The following LPXN variants were observed in gnomAD, a reference collection of about 807,000 sequenced individuals.
LPXN encodes leupaxin.
In LPXN, 28 loss-of-function variants were observed where a neutral mutation model predicts 45.6. That is an observed-to-expected ratio of 0.61 (90% confidence interval 0.45 to 0.84). The LOEUF (loss-of-function observed/expected upper bound fraction) is 0.84. LPXN is among the 40% of genes least tolerant of loss of function. The pLI is 0.00. For synonymous variants in LPXN, 166 were observed against 169.9 expected, an observed-to-expected ratio of 0.98 and a Z score of 0.18; for missense variants, 459 against 475.0, an observed-to-expected ratio of 0.97 and a Z score of 0.31.
rs758539742 is a variant in LPXN at position 58,570,589 on chromosome 11, G to A, written c.138C>T (p.Ile46=). 8.7e-6 allele frequency: 14 copies of A among 1,613,136 alleles called. No homozygotes were observed. Among genetic ancestry groups the A allele is most frequent in the South Asian group, 1.1e-5 (1 of 91,014 alleles). Residue 46 remains isoleucine, a synonymous_variant, in exon 2 of 9, where the codon ATC becomes ATT. Transcript: ENST00000395074. ...GACTTGTGTTATCCTGAATAGAAAG[G>A]ATCTCCGAAGTCTCATCAAGGTTAG... ...KETNLDETSE[I]LSIQDNTSPL...
In LPXN at chr11:58,527,711, T is replaced by C; in HGVS notation, c.904A>G (p.Ser302Gly). 6.2e-7 allele frequency: 1 copy of C among 1,613,860 alleles called. No individual in the cohort carries two copies. Among genetic ancestry groups the C allele is most frequent in the Non-Finnish European group, 8.5e-7 (1 of 1,179,934 alleles). The change falls in exon 9 of 9, where the codon AGT (serine) becomes GGT (glycine). Residue 302 changes from serine (S) to glycine (G), a missense_variant. By Grantham distance (56) the Ser-to-Gly change is moderately conservative. Transcript: ENST00000395074. Reference protein sequence around the residue: ...ECFVCGDCFTSFSTGSFFELD... With the variant: ...ECFVCGDCFTGFSTGSFFELD... ...TCAAAGAAGGAGCCAGTAGAAAAAC[T>C]GGTGAAGCAGTCCTGGGGTAGAGAG... is the stretch of plus-strand genomic sequence containing the variant.
intron 7 of LPXN, among the ~76,000 whole-genome samples, chr11:58,548,594 GA>G (rs922127796): frequency 6.6e-6 from 1 of 152,082 alleles, no homozygotes; most frequent in African/African-American, 2.4e-5. Context: ...GTTAACTTTA[GA>G]AAAAAATGAA....
intron 3 of LPXN, among the ~76,000 whole-genome samples, chr11:58,560,787 G>A (rs1854350321): frequency 6.6e-6 from 1 of 152,172 alleles, no homozygotes; most frequent in African/African-American, 2.4e-5. Context: ...CCTGCAAACT[G>A]CAAAGTTTGT....
At chr11:58,567,886 T>C (rs906528227) in intron 2 of LPXN, among the ~76,000 whole-genome samples, 17 of 152,204 alleles carry the variant, frequency 1.1e-4, no homozygotes, top group African/African-American at 3.9e-4. Flanking sequence ...ATAAAACAAA[T>C]AGAGCTTCAC....
intron 3 of LPXN, among the ~76,000 whole-genome samples, chr11:58,556,166 T>C (rs1318762901): frequency 6.6e-6 from 1 of 151,946 alleles, no homozygotes; most frequent in East Asian, 1.9e-4. Context: ...TTAAAAAACA[T>C]AAAAAATTTT....
chr11:58,528,477 CTGA>C (rs1415506844), intron 7 of LPXN, among the ~76,000 whole-genome samples: 1 of 152,202 alleles, frequency 6.6e-6, no homozygotes, highest in African/African-American at 2.4e-5. Flanking sequence ...GTCCCAGAGC[CTGA>C]TATAGTTGTC....
chr11:58,554,866 G>A lies in LPXN; in HGVS notation c.293C>T (p.Ala98Val). 4 of 1,613,932 alleles carry A rather than the reference G, an allele frequency of 2.5e-6. No homozygotes were observed. In the South Asian group the frequency reaches 4.4e-5, roughly 18 times the overall value. ...CTTGGCCTGCATCTCAGTCAGGTGA[G>A]CCATGAGCTCATCCAACTGAGCAGC... ...SAAAQLDELM[A>V]HLTEMQAKVA... is the part of the protein sequence containing the mutation. The change falls in exon 4 of 9, where the codon GCT (alanine) becomes GTT (valine). Residue 98 changes from alanine to valine, a missense_variant. Physicochemically the swap from Ala to Val is moderately conservative, Grantham distance 64. Coordinates refer to ENST00000395074, the MANE Select transcript of LPXN (RefSeq NM_004811.3).
intron 3 of LPXN, among the ~76,000 whole-genome samples, chr11:58,556,459 C>T (rs2120352949): frequency 6.6e-6 from 1 of 152,028 alleles, no homozygotes; most frequent in South Asian, 2.1e-4. Context: ...ATAAGTTGGA[C>T]ATAGATCCTA....
chr11:58,539,894 T>G (rs1198573121), intron 7 of LPXN, among the ~76,000 whole-genome samples: 1 of 152,182 alleles, frequency 6.6e-6, no homozygotes, highest in African/African-American at 2.4e-5. Context: ...TTACTACCTA[T>G]TCCATTGGAT....
intron 7 of LPXN, among the ~76,000 whole-genome samples, chr11:58,529,062 C>T (rs1853310658): frequency 6.6e-6 from 1 of 152,042 alleles, no homozygotes; most frequent in Non-Finnish European, 1.5e-5. Context: ...TGTGCATTTG[C>T]ATTTCATATC....
chr11:58,528,235 T>G, intron 7 of LPXN, 44 bp from the exon 8 acceptor site: 1 of 1,595,192 alleles, frequency 6.3e-7, no homozygotes, highest in South Asian at 1.1e-5. Flanking sequence ...GGTTGAGCCC[T>G]GAAAGCTACA....
intron 7 of LPXN, among the ~76,000 whole-genome samples, chr11:58,533,351 A>G (rs1853453133): frequency 6.6e-6 from 1 of 152,244 alleles, no homozygotes; most frequent in Admixed American, 6.5e-5. Context: ...ACAAGCCAGA[A>G]GAGAGTGGGG....
chr11:58,563,099 T>C lies in LPXN; in HGVS notation c.218+1056A>G, dbSNP rs796957045. Among the ~76,000 whole-genome samples, 21 of 152,380 alleles carry C rather than the reference T, an allele frequency of 1.4e-4. 1 individual carries two copies. Among genetic ancestry groups the C allele is most frequent in the African/African-American group, 4.6e-4 (19 of 41,598 alleles). On this transcript the variant is annotated intron_variant, in intron 3 of 8. Transcript: ENST00000395074. ...TGGTTGGGCTAGTTTTCATGTTATA[T>C]GTTCATGCATTCACTCGCATTTCTA...
At chr11:58,559,330 T>C (rs964426815) in intron 3 of LPXN, among the ~76,000 whole-genome samples, 4 of 152,112 alleles carry the variant, frequency 2.6e-5, no homozygotes, top group African/African-American at 7.2e-5. Flanking sequence ...TTGAGCAATT[T>C]TGCTACTAAG....
Position 58,527,585 on chromosome 11 carries a change from T to C in LPXN, c.1030A>G (p.Met344Val), listed in dbSNP as rs752283111. The C allele has an allele frequency of 3.5e-5, 56 of 1,614,040 alleles. No homozygotes were observed. The highest frequency in any genetic ancestry group is 4.7e-5 in the Non-Finnish European group (55 of 1,180,030). Reference sequence around the variant, plus strand: ...TGCTCAGGATGGAACTTGTACCCCATGGCACTGATACAACGGCCAGTGATG... The same window carrying C: ...TGCTCAGGATGGAACTTGTACCCCACGGCACTGATACAACGGCCAGTGATG... ...QPITGRCISA[M>V]GYKFHPEHFV... The change falls in exon 9 of 9, where the codon ATG (methionine) becomes GTG (valine). Residue 344 changes from methionine (M) to valine (V), a missense_variant. Transcript: ENST00000395074.
In LPXN at chr11:58,552,424, T is replaced by A. The variant is rs1854078296; in HGVS notation, c.319-1192A>T. Among the ~76,000 whole-genome samples the A allele has an allele frequency of 2.0e-5, 3 of 152,176 alleles. No homozygotes were observed. The South Asian group carries it at 6.2e-4, about 31-fold the overall frequency. On this transcript the variant is annotated intron_variant, in intron 4 of 8. Transcript: ENST00000395074. ...TGCTACCATCTATCTACTGAATACT[T>A]CACTCATCAGAAAACTACAATGGCT...
intron 7 of LPXN, among the ~76,000 whole-genome samples, chr11:58,538,545 G>T (rs1200071878): frequency 6.6e-6 from 1 of 151,978 alleles, no homozygotes; most frequent in African/African-American, 2.4e-5. Flanking sequence ...ATTTTTTCAT[G>T]TGTTTTTTGG....
chr11:58,564,691 A>C (rs2120354845), intron 2 of LPXN, among the ~76,000 whole-genome samples: 1 of 152,344 alleles, frequency 6.6e-6, no homozygotes, highest in South Asian at 2.1e-4. Flanking sequence ...TAGCAGTCAA[A>C]AAGCAAAAAA....
At chr11:58,530,175 C>A (rs184955856) in intron 7 of LPXN, among the ~76,000 whole-genome samples, 3 of 152,296 alleles carry the variant, frequency 2.0e-5, no homozygotes, top group Middle Eastern at 3.4e-3. Flanking sequence ...AACCTAGATG[C>A]ACCTGGAATG....
Sources: gnomAD v4.1 joint callset for allele counts (sites outside exome capture counted in the v4.1 genomes callset) on GRCh38, gnomAD v4.1.1 for gene constraint, MANE v1.5 for transcripts, NCBI Gene and HGNC (gene_info 2026-07-23, HGNC 2026-07-21) for gene names.